The following PLEKHO1 variants were observed in gnomAD, a reference collection of about 807,000 sequenced individuals.
PLEKHO1 encodes pleckstrin homology domain containing O1.
Under a neutral mutation model 41.4 loss-of-function variants are expected in PLEKHO1, and 22 were observed. The ratio of observed to expected loss-of-function variants is 0.53; its 90% CI spans 0.38 to 0.76. The LOEUF (loss-of-function observed/expected upper bound fraction) is 0.76. PLEKHO1 is among the 30% of genes least tolerant of loss of function. The probability of loss-of-function intolerance (pLI) is 0.00; values close to 1 mark genes in which losing one functional copy is unlikely to be tolerated. For missense variants in PLEKHO1, 488 were observed against 518.3 expected (o/e 0.94, Z 0.57); for synonymous variants, 225 against 210.8 (o/e 1.07, Z -0.58).
At chr1:150,158,171 TGGA>T (rs1366603617) in intron 5 of PLEKHO1, among the ~76,000 whole-genome samples, 1 of 152,116 alleles carries the variant, frequency 6.6e-6, no homozygotes, top group Non-Finnish European at 1.5e-5. Flanking sequence ...AGGATGCAGA[TGGA>T]GGAGGACAGT....
chr1:150,155,900 C>A, intron 2 of PLEKHO1, 166 bp from the exon 3 acceptor site: 2 of 644,042 alleles, frequency 3.1e-6, no homozygotes, highest in Non-Finnish European at 5.5e-6. Flanking sequence ...CTAGCGTCCT[C>A]CTCGATGTGA....
At position 150,154,635 on chromosome 1, in the gene PLEKHO1, C is replaced by T. The variant is rs587744702; in HGVS notation, c.178-1431C>T. The T allele has an allele frequency of 1.4e-4, 21 of 152,332 alleles. 1 individual carries two copies. Among genetic ancestry groups the T allele is most frequent in the South Asian group, 1.2e-3 (6 of 4,828 alleles). The allele number at this position is 152,332 out of a possible 1,614,324, so 9.4% of individuals were successfully genotyped here. ...ATAGATGAGTTCACCTCCATGCACA[C>T]GAGTCCTATTTCAGAACTTGGGAAG... On this transcript the variant is annotated intron_variant, in intron 2 of 5. Coordinates refer to ENST00000369124, the MANE Select transcript of PLEKHO1 (RefSeq NM_016274.6).
chr1:150,159,079 G>A lies in PLEKHO1; in HGVS notation c.786G>A (p.Thr262=), dbSNP rs781929358. The A allele has an allele frequency of 2.1e-5, 34 of 1,613,882 alleles. No homozygotes were observed. The highest frequency in any genetic ancestry group is 8.3e-5 in the Admixed American group (5 of 59,970). ...TYTPQAPKKL[T]PTEKGRCASL... is the part of the protein sequence containing the mutation. ...CCCCCCAGGCACCCAAGAAGTTGAC[G>A]CCCACAGAGAAAGGCCGCTGCGCCT... The change falls in exon 6 of 6, where the codon ACG becomes ACA. Residue 262 remains threonine (T), a synonymous_variant. Coordinates refer to ENST00000369124, the MANE Select transcript of PLEKHO1 (RefSeq NM_016274.6).
At chr1:150,152,240 G>C (rs376299012) in intron 2 of PLEKHO1, among the ~76,000 whole-genome samples, 1 of 152,196 alleles carries the variant, frequency 6.6e-6, no homozygotes, top group Non-Finnish European at 1.5e-5. Context: ...CAGCCAAAGA[G>C]ATCCCTCTTA....
At chr1:150,156,249 G>C in intron 3 of PLEKHO1, 43 bp downstream of exon 3, 1 of 1,578,704 alleles carries the variant, frequency 6.3e-7, no homozygotes, top group Non-Finnish European at 8.7e-7. Context: ...CATGGACAGG[G>C]TTGGAGGGGG....
rs1660216888 is a variant in PLEKHO1, at chr1:150,157,379, C to T, written c.424-6C>T. 1.2e-6 allele frequency: 2 copies of T among 1,608,770 alleles called. No individual in the cohort carries two copies. The highest frequency in any genetic ancestry group is 1.7e-6 in the Non-Finnish European group (2 of 1,175,282). On this transcript the variant is annotated splice_polypyrimidine_tract_variant and splice_region_variant and intron_variant, in intron 4 of 5. Coordinates refer to ENST00000369124, the MANE Select transcript of PLEKHO1 (RefSeq NM_016274.6). Reference sequence around the variant, plus strand: ...AGCACTCATGATTCACAGTACATCTCTTCAGGTCACCGTTGAGGAGGACAG... The same window carrying T: ...AGCACTCATGATTCACAGTACATCTTTTCAGGTCACCGTTGAGGAGGACAG...
At chr1:150,156,633 T>C (rs1399446668) in intron 3 of PLEKHO1, among the ~76,000 whole-genome samples, 1 of 152,240 alleles carries the variant, frequency 6.6e-6, no homozygotes, top group Admixed American at 6.5e-5. Flanking sequence ...TTAATACCTA[T>C]CCTTCATCAG....
chr1:150,151,902 G>A lies in PLEKHO1; in HGVS notation c.177+844G>A, dbSNP rs587699073. The stretch of plus-strand genomic sequence containing the variant: ...GAGAAATCAGAATTGCCCCTACAGT[G>A]GTTAGAAGTCATTCCATTCCCTGCC... On this transcript the variant is annotated intron_variant, in intron 2 of 5. Transcript: ENST00000369124. Among the ~76,000 whole-genome samples the A allele has an allele frequency of 5.3e-5, 8 of 152,250 alleles. No homozygotes were observed. The East Asian group carries it at 5.8e-4, about 11-fold the overall frequency.
chr1:150,158,894 A>T lies in PLEKHO1; in HGVS notation c.601A>T (p.Thr201Ser). 6.2e-7 allele frequency: 1 copy of T among 1,613,790 alleles called. No individual in the cohort carries two copies. Among genetic ancestry groups the T allele is most frequent in the Non-Finnish European group, 8.5e-7 (1 of 1,179,906 alleles). ...GGAAGACCCTTCCCCTGAGGAACCA[A>T]CCTCTTGTGCTGAGAGCTTTCGGGT... ...QEEDPSPEEP[T>S]SCAESFRVDL... is the part of the protein sequence containing the mutation. The change falls in exon 6 of 6, where the codon ACC (threonine) becomes TCC (serine). Residue 201 changes from threonine (T) to serine (S), a missense_variant. By Grantham distance (58) the Thr-to-Ser change is moderately conservative (BLOSUM62 1). This residue lies in a region of PLEKHO1 where 337 missense variants were observed against 324.6 expected (regional missense o/e 1.04). Transcript: ENST00000369124.
intron 4 of PLEKHO1, 178 bp downstream of exon 4, chr1:150,157,193 C>T (rs1571949908): frequency 1.4e-6 from 1 of 698,538 alleles, no homozygotes; most frequent in Non-Finnish European, 2.6e-6. Flanking sequence ...TCTCATCTGA[C>T]ACCTCCTCTT....
upstream of PLEKHO1, chr1:150,149,737 C>A (rs1375692636): frequency 2.0e-5 from 3 of 152,102 alleles, no homozygotes; most frequent in Non-Finnish European, 1.5e-5. Context: ...GGGTCCCTGC[C>A]CCCTGGGGAG....
chr1:150,155,995 TCTAAA>T, intron 2 of PLEKHO1, 66 bp from the exon 3 acceptor site: 1 of 1,412,068 alleles, frequency 7.1e-7, no homozygotes, highest in Non-Finnish European at 9.8e-7. Flanking sequence ...CCCAAGATGA[TCTAAA>T]CTAACAGTCT....
Position 150,152,688 on chromosome 1 carries a change from T to TAAAAAAAAAAAAAAAAAAAAAAA in PLEKHO1, c.177+1632_177+1654dup, listed in dbSNP as rs1407877862. 2.7e-5 allele frequency: 2 copies of TAAAAAAAAAAAAAAAAAAAAAAA among 74,064 alleles called. 1 individual carries two copies. Among genetic ancestry groups the TAAAAAAAAAAAAAAAAAAAAAAA allele is most frequent in the African/African-American group, 9.1e-5 (2 of 21,966 alleles). The allele number at this position is 74,064 out of a possible 1,614,324, so 4.6% of individuals were successfully genotyped here. A position where few individuals can be genotyped will look rare whatever the true frequency, so the allele number is the denominator to read the frequency against. Reference sequence around the variant, plus strand: ...TCCACAATTTTCTGGCTTTCTAAATTAAAAAAAAAAAAAAAAAAAAAAAAC... The same window carrying TAAAAAAAAAAAAAAAAAAAAAAA: ...TCCACAATTTTCTGGCTTTCTAAATTAAAAAAAAAAAAAAAAAAAAAAAAAAAAAAAAAAAAAAAAAAAAAAAC... On this transcript the variant is annotated intron_variant, in intron 2 of 5. Coordinates refer to ENST00000369124, the MANE Select transcript of PLEKHO1 (RefSeq NM_016274.6).
chr1:150,152,706 A>AAAAAC (rs1660000046), intron 2 of PLEKHO1: 1 of 150,024 alleles, frequency 6.7e-6, no homozygotes, highest in Non-Finnish European at 1.5e-5. Context: ...AAAAAAAAAA[A>AAAAAC]AAAAAACAAG....
intron 2 of PLEKHO1, 115 bp downstream of exon 2, chr1:150,151,173 T>G: frequency 9.0e-7 from 1 of 1,110,210 alleles, no homozygotes; most frequent in Non-Finnish European, 1.3e-6. Flanking sequence ...AGTTCAGTGG[T>G]CTCCTCTCTA....
chr1:150,151,197 T>C, intron 2 of PLEKHO1, 139 bp downstream of exon 2: 1 of 854,124 alleles, frequency 1.2e-6, no homozygotes, highest in Non-Finnish European at 1.8e-6. Context: ...CCATCTCATC[T>C]GCAGAGAAAG....
chr1:150,156,904 C>G lies in PLEKHO1; in HGVS notation c.319-7C>G. The G allele has an allele frequency of 6.3e-7, 1 of 1,593,950 alleles. No individual in the cohort carries two copies. The highest frequency in any genetic ancestry group is 8.6e-7 in the Non-Finnish European group (1 of 1,161,656). ...CCCTGGCTGAAACAGGAATCTTCCC[C>G]TCACAGGCACCCAACCTGATCTTCC... On this transcript the variant is annotated splice_polypyrimidine_tract_variant and splice_region_variant and intron_variant, in intron 3 of 5. Transcript: ENST00000369124.
chr1:150,157,426 A>G lies in PLEKHO1; in HGVS notation c.465A>G (p.Arg155=), dbSNP rs781942434. ...ACAGCTATCTTGCCCATCCCACTCG[A>G]GACAGGGCAAAAATCCAGCACTCCC... ...EEDSYLAHPT[R]DRAKIQHSRR... Residue 155 remains arginine (R), a synonymous_variant, in exon 5 of 6, where the codon CGA becomes CGG. Transcript: ENST00000369124. 22 of 1,614,032 alleles carry G rather than the reference A, an allele frequency of 1.4e-5. No homozygotes were observed. The highest frequency in any genetic ancestry group is 1.1e-5 in the Non-Finnish European group (13 of 1,179,936).
chr1:150,152,949 G>A (rs900744437), intron 2 of PLEKHO1: 2 of 152,160 alleles, frequency 1.3e-5, no homozygotes, highest in Non-Finnish European at 2.9e-5. Context: ...AATGACCTCA[G>A]CCTAGGATAT....
Sources: allele counts gnomAD v4.1 joint callset (sites outside exome capture counted in the v4.1 genomes callset), GRCh38; gene constraint gnomAD v4.1.1; regional missense constraint gnomAD v4.1.1; transcripts MANE v1.5; gene names NCBI Gene and HGNC (gene_info 2026-07-23, HGNC 2026-07-21).